The following MMP16 variants were observed in gnomAD, a reference collection of about 807,000 sequenced individuals.
The protein encoded by MMP16 is matrix metalloproteinase-16.
Under a neutral mutation model 67.8 loss-of-function variants are expected in MMP16, and 12 were observed. The ratio of observed to expected loss-of-function variants is 0.18; its 90% CI spans 0.11 to 0.29. The LOEUF (loss-of-function observed/expected upper bound fraction) is 0.29. Ranked by LOEUF, MMP16 falls within the 10% of genes least tolerant of loss-of-function variation. The pLI, the probability that MMP16 is intolerant of heterozygous loss-of-function variation, is 1.00. For missense variants in MMP16, 475 were observed against 765.7 expected, an observed-to-expected ratio of 0.62 and a Z score of 4.48; for synonymous variants, 249 against 255.9, an observed-to-expected ratio of 0.97 and a Z score of 0.26.
intron 8 of MMP16, among the ~76,000 whole-genome samples, chr8:88,047,138 C>CAT (rs937836664): frequency 8.5e-5 from 13 of 152,072 alleles, no homozygotes; most frequent in Non-Finnish European, 1.8e-4. Context: ...CACCAACCTG[C>CAT]ATATATATAT....
At chr8:88,098,130 T>C (rs920874369) in intron 6 of MMP16, among the ~76,000 whole-genome samples, 2 of 151,978 alleles carry the variant, frequency 1.3e-5, no homozygotes, top group African/African-American at 4.8e-5. Context: ...TGCTCATCGA[T>C]ATGTTTTATT....
chr8:88,274,199 A>G lies in MMP16; in HGVS notation c.132+52876T>C, dbSNP rs7003208. Among the ~76,000 whole-genome samples the G allele has an allele frequency of 4.7e-3, 710 of 152,242 alleles. 5 individuals carry two copies. The highest frequency in any genetic ancestry group is 0.016 in the African/African-American group (676 of 41,552). On this transcript the variant is annotated intron_variant, in intron 1 of 9. Transcript: ENST00000286614. ...ATTTTTTTTTCAGGTATGTTCAATT[A>G]CTTAAGTACAAGCACAGGATATATG... is the stretch of plus-strand genomic sequence containing the variant.
intron 1 of MMP16, among the ~76,000 whole-genome samples, chr8:88,285,863 AT>A (rs1810822430): frequency 6.6e-6 from 1 of 152,168 alleles, no homozygotes; most frequent in African/African-American, 2.4e-5. Context: ...AAATTCAGGC[AT>A]TCCTCAAATA....
chr8:88,161,865 C>G (rs1808630117), intron 4 of MMP16, among the ~76,000 whole-genome samples: 1 of 151,874 alleles, frequency 6.6e-6, no homozygotes, highest in Admixed American at 6.6e-5. Context: ...TTGAGTGGTT[C>G]TGAGTGAGTT....
chr8:88,253,382 A>T (rs1174326478), intron 1 of MMP16, among the ~76,000 whole-genome samples: 1 of 152,098 alleles, frequency 6.6e-6, no homozygotes, highest in African/African-American at 2.4e-5. Context: ...TACAGTAGGG[A>T]AATTTGAAAA....
chr8:88,135,325 C>T (rs996057503), intron 4 of MMP16, among the ~76,000 whole-genome samples: 1 of 151,812 alleles, frequency 6.6e-6, no homozygotes, highest in African/African-American at 2.4e-5. Context: ...ATCTAAAATG[C>T]TGCAAGCACA....
At chr8:88,285,168 T>C (rs769015628) in intron 1 of MMP16, among the ~76,000 whole-genome samples, 3 of 152,102 alleles carry the variant, frequency 2.0e-5, no homozygotes, top group Admixed American at 6.6e-5. Context: ...GAGATGGAGT[T>C]TCACTCTGTC....
At chr8:88,294,549 T>G (rs1015786413) in intron 1 of MMP16, among the ~76,000 whole-genome samples, 1 of 136,668 alleles carries the variant, frequency 7.3e-6, no homozygotes, top group African/African-American at 2.6e-5. Context: ...CATATATGTA[T>G]ATATGTCTCT....
rs924790418 is a variant in MMP16, at chr8:88,273,854, A to C, written c.132+53221T>G. ...GACAAGAAAAACTGATGTTACAAGA[A>C]TAGAAAAAAGTAAGTATAGATCAAA... is the stretch of plus-strand genomic sequence containing the variant. On this transcript the variant is annotated intron_variant, in intron 1 of 9. Transcript: ENST00000286614. 3.9e-5 allele frequency among the ~76,000 whole-genome samples: 6 copies of C among 152,272 alleles called. No homozygotes were observed. The East Asian group carries it at 1.2e-3, about 29-fold the overall frequency.
intron 4 of MMP16, among the ~76,000 whole-genome samples, chr8:88,146,297 TA>T (rs1302519049): frequency 6.6e-6 from 1 of 151,960 alleles, no homozygotes; most frequent in Non-Finnish European, 1.5e-5. Context: ...AACATAATAA[TA>T]ACATGCATCT....
intron 4 of MMP16, among the ~76,000 whole-genome samples, chr8:88,145,611 G>C (rs1019958171): frequency 6.6e-6 from 1 of 151,622 alleles, no homozygotes; most frequent in African/African-American, 2.4e-5. Context: ...TAAATTATAG[G>C]CATACTCATT....
At chr8:88,110,960 G>C (rs548940097) in intron 6 of MMP16, among the ~76,000 whole-genome samples, 1 of 151,760 alleles carries the variant, frequency 6.6e-6, no homozygotes, top group Non-Finnish European at 1.5e-5. Context: ...AGGAAAGTAA[G>C]ATCAGATATA....
chr8:88,104,830 G>T (rs1461668131), intron 6 of MMP16, among the ~76,000 whole-genome samples: 2 of 150,984 alleles, frequency 1.3e-5, no homozygotes, highest in East Asian at 3.9e-4. Flanking sequence ...TAATGTGAGT[G>T]TTTGTGTCTT....
At chr8:88,322,467 T>C (rs752129386) in intron 1 of MMP16, among the ~76,000 whole-genome samples, 1 of 152,156 alleles carries the variant, frequency 6.6e-6, no homozygotes, top group Non-Finnish European at 1.5e-5. Context: ...CCTAACCTGA[T>C]AGATGTTTAT....
chr8:88,184,746 C>CAAAAAAAAAAAAAAAAAAAAAAAAAAAAA (rs61606557), intron 3 of MMP16, among the ~76,000 whole-genome samples: 7 of 47,494 alleles, frequency 1.5e-4, no homozygotes, highest in Non-Finnish European at 1.7e-4. Context: ...GGCCCTGTCT[C>CAAAAAAAAAAAAAAAAAAAAAAAAAAAAA]AAAAAAAAAA....
intron 1 of MMP16, among the ~76,000 whole-genome samples, chr8:88,265,147 C>T (rs1461356707): frequency 6.6e-6 from 1 of 151,322 alleles, no homozygotes; most frequent in Non-Finnish European, 1.5e-5. Context: ...ATAATTAATG[C>T]ACCTGAGTAT....
chr8:88,132,062 T>C (rs898274578), intron 4 of MMP16, among the ~76,000 whole-genome samples: 10 of 151,896 alleles, frequency 6.6e-5, no homozygotes, highest in African/African-American at 2.4e-4. Context: ...CTTGTCCTGC[T>C]CTATTTTGTT....
At chr8:88,224,490 T>G (rs6983817) in intron 1 of MMP16, among the ~76,000 whole-genome samples, 1 of 151,852 alleles carries the variant, frequency 6.6e-6, no homozygotes, top group Admixed American at 6.6e-5. Context: ...TGATCATCTA[T>G]GCCACTTGTA....
intron 6 of MMP16, among the ~76,000 whole-genome samples, chr8:88,088,064 TAATA>T (rs1388971946): frequency 9.8e-6 from 1 of 101,630 alleles, no homozygotes; most frequent in Non-Finnish European, 1.9e-5. Flanking sequence ...TATCTATATA[TAATA>T]GATATCTATA....
Sources: gnomAD v4.1 joint callset for allele counts (sites outside exome capture counted in the v4.1 genomes callset) on GRCh38, gnomAD v4.1.1 for gene constraint, MANE v1.5 for transcripts, NCBI Gene and HGNC (gene_info 2026-07-23, HGNC 2026-07-21) for gene names.